CAPN12: variants seen among roughly 807,000 people sequenced by gnomAD.
The protein encoded by CAPN12 is calpain 12.
In CAPN12, 107 loss-of-function variants were observed where a neutral mutation model predicts 95.0. That is an observed-to-expected ratio of 1.13 (90% CI 0.96 to 1.32). CAPN12 has a LOEUF of 1.32. CAPN12 is among the 40% of genes most tolerant of loss of function. The pLI is 0.00. For synonymous variants in CAPN12, 505 were observed against 415.5 expected (o/e 1.22, Z -2.62); for missense variants, 1,136 against 997.8 (o/e 1.14, Z -1.87).
At chr19:38,733,963 A>G (rs1969821500) in intron 17 of CAPN12, 179 bp downstream of exon 17, 1 of 800,606 alleles carries the variant, frequency 1.2e-6, no homozygotes, top group African/African-American at 1.7e-5. Context: ...AATAAGAGCA[A>G]TGACCCAGAG....
chr19:38,732,427 G>T (rs1969693488), intron 18 of CAPN12, among the ~76,000 whole-genome samples: 1 of 152,314 alleles, frequency 6.6e-6, no homozygotes, highest in Admixed American at 6.5e-5. Context: ...CACCTCCCGG[G>T]TTCAAGAGAT....
At chr19:38,734,078 T>TGC (rs1969831490) in intron 17 of CAPN12, 64 bp downstream of exon 17, 1 of 1,569,388 alleles carries the variant, frequency 6.4e-7, no homozygotes, top group African/African-American at 1.4e-5. Flanking sequence ...GCCCACAGGG[T>TGC]GCCTATGTCT....
intron 7 of CAPN12, 34 bp downstream of exon 7, chr19:38,738,384 G>A (rs772564172): frequency 1.9e-6 from 3 of 1,611,068 alleles, no homozygotes; most frequent in Non-Finnish European, 1.7e-6. Context: ...GGCAGGTGGG[G>A]TCCAGCCCCA....
At chr19:38,742,914 A>C in intron 2 of CAPN12, 119 bp downstream of exon 2, 1 of 671,442 alleles carries the variant, frequency 1.5e-6, no homozygotes, top group Non-Finnish European at 2.6e-6. Flanking sequence ...AGGCCTAGGG[A>C]GAGAAGAGAC....
chr19:38,732,195 C>G (rs1056392477), intron 18 of CAPN12, among the ~76,000 whole-genome samples: 1 of 152,226 alleles, frequency 6.6e-6, no homozygotes, highest in African/African-American at 2.4e-5. Flanking sequence ...CACAAGCCTG[C>G]CACCTGCCAC....
Position 38,741,797 on chromosome 19 carries a change from G to A in CAPN12, c.540C>T (p.Leu180=), listed in dbSNP as rs138915508. The A allele has an allele frequency of 2.7e-4, 430 of 1,614,044 alleles. 4 individuals are homozygous for A. In the African/African-American group the frequency reaches 5.1e-3, roughly 19 times the overall value. The change falls in exon 4 of 21, where the codon CTC becomes CTT. Residue 180 remains leucine, a synonymous_variant. Transcript: ENST00000328867. ...CTCACTTGGCGTAGGCCTTCTCCAG[G>A]AGTGGGGCCCAGAACTCATTCCGCT... is the stretch of plus-strand genomic sequence containing the variant. ...SEQRNEFWAP[L]LEKAYAKLHG...
At chr19:38,735,288 C>T (rs1599895387) in intron 14 of CAPN12, 82 bp downstream of exon 14, 3 of 1,372,360 alleles carry the variant, frequency 2.2e-6, no homozygotes, top group South Asian at 1.4e-5. Context: ...AATGAGACAC[C>T]TGAGATGCTG....
Position 38,744,052 on chromosome 19 carries a change from G to A in CAPN12, c.114C>T (p.Ala38=), listed in dbSNP as rs777131847. 5 of 1,614,132 alleles carry A rather than the reference G, an allele frequency of 3.1e-6. No homozygotes were observed. Among genetic ancestry groups the A allele is most frequent in the Non-Finnish European group, 4.2e-6 (5 of 1,180,046 alleles). Residue 38 remains alanine (A), a synonymous_variant, in exon 1 of 21, where the codon GCC becomes GCT. Coordinates refer to ENST00000328867, the MANE Select transcript of CAPN12 (RefSeq NM_144691.4). The part of the protein sequence containing the change: ...RGQSYEAIRA[A]CLDSGILFRD... ...GGAACAGGATCCCCGAATCCAGGCA[G>A]GCTGCCCGAATTGCCTCATAGCTCT...
At chr19:38,738,810 G>T in intron 5 of CAPN12, 162 bp from the exon 6 acceptor site, 1 of 631,208 alleles carries the variant, frequency 1.6e-6, no homozygotes. Context: ...GAAGGCGAAA[G>T]AGAAAAGGAG....
intron 14 of CAPN12, 157 bp from the exon 15 acceptor site, chr19:38,735,027 G>A (rs554821048): frequency 7.6e-5 from 52 of 684,722 alleles, no homozygotes; most frequent in Middle Eastern, 3.6e-4. Flanking sequence ...GGGCTGTGAC[G>A]GGGGAAGCAC....
In CAPN12 at chr19:38,744,004, G is replaced by A; in HGVS notation, c.162C>T (p.Gly54=). Residue 54 remains glycine (G), a synonymous_variant, in exon 1 of 21, where the codon GGC becomes GGT. Coordinates refer to ENST00000328867, the MANE Select transcript of CAPN12 (RefSeq NM_144691.4). ...ILFRDPYFPA[G]PDALGYDQLG... is the part of the protein sequence containing the mutation. ...GCTGGTCATAGCCAAGGGCATCAGGGCCAGCAGGGAAGTAAGGGTCGCGGA... is the reference window on the plus strand; with the variant it reads ...GCTGGTCATAGCCAAGGGCATCAGGACCAGCAGGGAAGTAAGGGTCGCGGA... 6.2e-7 allele frequency: 1 copy of A among 1,614,252 alleles called. No homozygotes were observed.
chr19:38,735,192 C>T (rs1969932129), intron 14 of CAPN12, 178 bp downstream of exon 14: 1 of 654,808 alleles, frequency 1.5e-6, no homozygotes, highest in South Asian at 2.0e-5. Flanking sequence ...ATGGACTGAG[C>T]CCAAGGCCCT....
chr19:38,736,455 C>A, intron 11 of CAPN12, 97 bp downstream of exon 11: 3 of 1,447,800 alleles, frequency 2.1e-6, no homozygotes, highest in Non-Finnish European at 2.8e-6. Flanking sequence ...TGCCCCCCCA[C>A]CCCCAGGGCA....
rs760362369 is a variant in CAPN12, at chr19:38,735,547, G to A, written c.1584-3C>T. 94 of 1,609,492 alleles carry A rather than the reference G, an allele frequency of 5.8e-5. No homozygotes were observed. The highest frequency in any genetic ancestry group is 7.9e-5 in the Non-Finnish European group (93 of 1,178,996). On this transcript the variant is annotated splice_polypyrimidine_tract_variant and splice_region_variant and intron_variant, in intron 12 of 20. Transcript: ENST00000328867. ...CGCTGATCACGTCGTCGATCTCCCT[G>A]CAAATTACAGATGGGAAGTGGGGAG...
chr19:38,739,973 C>A, intron 5 of CAPN12, 78 bp downstream of exon 5: 1 of 1,389,756 alleles, frequency 7.2e-7, no homozygotes, highest in Non-Finnish European at 9.5e-7. Context: ...ACAGAGGAAG[C>A]ACTCCGCCCA....
At chr19:38,739,951 C>G (rs768637437) in intron 5 of CAPN12, 100 bp downstream of exon 5, 30 of 1,251,630 alleles carry the variant, frequency 2.4e-5, no homozygotes, top group East Asian at 2.6e-5. Context: ...AAGCCAGTAA[C>G]GGAAGCAGAG....
Position 38,744,283 on chromosome 19 carries a change from G to A in CAPN12, c.-118C>T, listed in dbSNP as rs756689776. The A allele has an allele frequency of 5.0e-5, 47 of 940,378 alleles. No individual in the cohort carries two copies. The highest frequency in any genetic ancestry group is 1.1e-4 in the South Asian group (8 of 69,610). The allele number at this position is 940,378 out of a possible 1,614,324, so 58.3% of individuals were successfully genotyped here. ...TTTAGGCAATGAGGAGCCTTCCCTCGTTAATATTAATTGATGGTTTGGGGT... is the reference window on the plus strand; with the variant it reads ...TTTAGGCAATGAGGAGCCTTCCCTCATTAATATTAATTGATGGTTTGGGGT... On this transcript the variant is annotated 5_prime_UTR_variant, in exon 1 of 21. It adds an upstream start codon to the 5' untranslated region. Transcript: ENST00000328867.
chr19:38,740,223 T>C lies in CAPN12; in HGVS notation c.561-4A>G. On this transcript the variant is annotated splice_region_variant and splice_polypyrimidine_tract_variant and intron_variant, in intron 4 of 20. Transcript: ENST00000328867. ...CACCTCATAGGAGCCGTGGAGCCTG[T>C]GGGGGCAGATCTGGGGTGAGGGTTG... 1 of 1,597,892 alleles carries C rather than the reference T, an allele frequency of 6.3e-7. No individual in the cohort carries two copies. Among genetic ancestry groups the C allele is most frequent in the Non-Finnish European group, 8.5e-7 (1 of 1,172,216 alleles).
chr19:38,734,284 C>T (rs780386649), intron 16 of CAPN12, 35 bp downstream of exon 16: 1 of 1,602,296 alleles, frequency 6.2e-7, no homozygotes, highest in Non-Finnish European at 8.5e-7. Flanking sequence ...CCCTTCCCCA[C>T]TCCCTCCCTC....
Sources: allele counts gnomAD v4.1 joint callset (sites outside exome capture counted in the v4.1 genomes callset), GRCh38; gene constraint gnomAD v4.1.1; transcripts MANE v1.5; gene names NCBI Gene and HGNC (gene_info 2026-07-23, HGNC 2026-07-21).